The following PDGFB variants were observed in gnomAD, a reference collection of about 807,000 sequenced individuals.
The protein encoded by PDGFB is platelet-derived growth factor subunit B.
PDGFB carries 6 observed loss-of-function variants against 29.0 expected under a neutral mutation model. The ratio of observed to expected loss-of-function variants is 0.21; its 90% CI spans 0.11 to 0.41. The LOEUF (loss-of-function observed/expected upper bound fraction) is 0.41, where lower values mean the gene tolerates loss of function less well. PDGFB is among the 10% of genes least tolerant of loss of function. The probability of loss-of-function intolerance (pLI) is 1.00; values close to 1 mark genes in which losing one functional copy is unlikely to be tolerated. For missense variants in PDGFB, 299 were observed against 341.8 expected (o/e 0.87, Z 0.99); for synonymous variants, 144 against 140.8 (o/e 1.02, Z -0.16).
At position 39,243,017 on chromosome 22, in the gene PDGFB, A is replaced by G. The variant is rs930465681; in HGVS notation, c.63+884T>C. The G allele has an allele frequency of 8.6e-6, 2 of 232,768 alleles. No homozygotes were observed. Among genetic ancestry groups the G allele is most frequent in the Non-Finnish European group, 1.7e-5 (2 of 117,856 alleles). The allele number at this position is 232,768 out of a possible 1,614,324, so 14.4% of individuals were successfully genotyped here. A position where few individuals can be genotyped will look rare whatever the true frequency, so the allele number is the denominator to read the frequency against. On this transcript the variant is annotated intron_variant, in intron 1 of 6. Transcript: ENST00000331163. The surrounding 1 kb of genome is among the most constrained non-coding windows in gnomAD (Gnocchi z 6.4). Reference sequence around the variant, plus strand: ...CCCCAGCGCTCCCTCAGATGTTTTTATACCCCATCTCCCGTGCAGCTAGGC... The same window carrying G: ...CCCCAGCGCTCCCTCAGATGTTTTTGTACCCCATCTCCCGTGCAGCTAGGC...
intron 3 of PDGFB, 46 bp downstream of exon 3, chr22:39,233,388 GC>G (rs763942924): frequency 1.4e-6 from 2 of 1,422,646 alleles, no homozygotes; most frequent in Non-Finnish European, 1.9e-6. Flanking sequence ...TCTTTCCCTG[GC>G]CCCCATGCTA....
At position 39,240,404 on chromosome 22, in the gene PDGFB, T is replaced by G. The variant is rs145509574; in HGVS notation, c.63+3497A>C. Reference sequence around the variant, plus strand: ...CCCAGCTAAAGATACACAGAACCTTTGCAGTCTGATTTTCTTTCTGTTTCT... The same window carrying G: ...CCCAGCTAAAGATACACAGAACCTTGGCAGTCTGATTTTCTTTCTGTTTCT... On this transcript the variant is annotated intron_variant, in intron 1 of 6. Transcript: ENST00000331163. 3.3e-3 allele frequency among the ~76,000 whole-genome samples: 498 copies of G among 152,320 alleles called. 4 individuals are homozygous for G. Among genetic ancestry groups the G allele is most frequent in the African/African-American group, 0.011 (472 of 41,576 alleles).
rs58537895 is a variant in PDGFB at position 39,240,894 on chromosome 22, G to GTCTCTCTC, written c.63+2999_63+3006dup. ...ACATCTCACCATTCCTGCTCAGTCA[G>GTCTCTCTC]TCTCTCTCTCTCTCTCTCTCAGATG... On this transcript the variant is annotated intron_variant, in intron 1 of 6. Transcript: ENST00000331163. 54 of 1,481,884 alleles carry GTCTCTCTC rather than the reference G, an allele frequency of 3.6e-5. No homozygotes were observed. In the South Asian group the frequency reaches 4.1e-4, roughly 11 times the overall value. The allele number at this position is 1,481,884 out of a possible 1,614,324, so 91.8% of individuals were successfully genotyped here. A position where few individuals can be genotyped will look rare whatever the true frequency, so the allele number is the denominator to read the frequency against.
rs761160047 is a variant in PDGFB, at chr22:39,231,568, GT to G, written c.456+53del. 5,907 of 1,339,738 alleles carry G rather than the reference GT, an allele frequency of 4.4e-3. 17 individuals are homozygous for G. Among genetic ancestry groups the G allele is most frequent in the Non-Finnish European group, 5.3e-3 (5,262 of 983,710 alleles). The allele number at this position is 1,339,738 out of a possible 1,614,324, so 83.0% of individuals were successfully genotyped here. Reference sequence around the variant, plus strand: ...CTGGTCAGGTATGAGCCCCAGAAGGGTGGTCTCCACCCACCACCGGGACCAG... The same window carrying G: ...CTGGTCAGGTATGAGCCCCAGAAGGGGGTCTCCACCCACCACCGGGACCAG... On this transcript the variant is annotated intron_variant, in intron 4 of 6. Transcript: ENST00000331163. This position sits in a 1 kb window ranked among gnomAD's most constrained non-coding sequence, Gnocchi z 4.3.
At chr22:39,235,897 C>T (rs769841318) in intron 1 of PDGFB, 23 bp from the exon 2 acceptor site, 12 of 1,537,798 alleles carry the variant, frequency 7.8e-6, no homozygotes, top group Non-Finnish European at 8.1e-6. Flanking sequence ...CACCAAAAGG[C>T]TGAGTGAGCT....
In PDGFB at chr22:39,225,505, G is replaced by T. The variant is rs1048457267; in HGVS notation, c.*28+190C>A. Among the ~76,000 whole-genome samples the T allele has an allele frequency of 5.9e-5, 9 of 152,166 alleles. No individual in the cohort carries two copies. The South Asian group carries it at 1.9e-3, about 32-fold the overall frequency. The stretch of plus-strand genomic sequence containing the variant: ...TAGACCTCCCATCCTCTTAGGGCAT[G>T]CTGGGACACAGCTGGGCTGGGGTCT... On this transcript the variant is annotated intron_variant, in intron 6 of 6. Coordinates refer to ENST00000331163, the MANE Select transcript of PDGFB (RefSeq NM_002608.4).
chr22:39,231,677 C>G lies in PDGFB; in HGVS notation c.401G>C (p.Cys134Ser). 1 of 1,597,308 alleles carries G rather than the reference C, an allele frequency of 6.3e-7. No individual in the cohort carries two copies. Among genetic ancestry groups the G allele is most frequent in the Non-Finnish European group, 8.5e-7 (1 of 1,173,032 alleles). ...GCGGCACTGCACGTTGCGGTTGTTGCAGCAGCCGGAGCAGCGCTGCACCTC... is the reference window on the plus strand; with the variant it reads ...GCGGCACTGCACGTTGCGGTTGTTGGAGCAGCCGGAGCAGCGCTGCACCTC... ...CVEVQRCSGC[C>S]NNRNVQCRPT... The change falls in exon 4 of 7, where the codon TGC becomes TCC. Residue 134 changes from cysteine to serine, a missense_variant. Transcript: ENST00000331163. The surrounding 1 kb of genome is among the most constrained non-coding windows in gnomAD (Gnocchi z 4.3).
At chr22:39,225,965 G>C in intron 5 of PDGFB, 118 bp from the exon 6 acceptor site, 5 of 1,217,370 alleles carry the variant, frequency 4.1e-6, no homozygotes, top group Non-Finnish European at 5.6e-6. Context: ...GGGGAATCTG[G>C]ACCAGGGTCC....
At chr22:39,236,828 G>A (rs955439328) in intron 1 of PDGFB, among the ~76,000 whole-genome samples, 2 of 152,330 alleles carry the variant, frequency 1.3e-5, no homozygotes, top group Middle Eastern at 3.4e-3. Flanking sequence ...GTCGCTGCAC[G>A]TTCAAAGGCT....
At chr22:39,230,338 T>A in intron 4 of PDGFB, 110 bp from the exon 5 acceptor site, 1 of 1,122,108 alleles carries the variant, frequency 8.9e-7, no homozygotes, top group Non-Finnish European at 1.3e-6. Flanking sequence ...CAATCTTTCC[T>A]CGAAAGCCCG....
At chr22:39,229,390 C>T (rs1601596351) in intron 5 of PDGFB, among the ~76,000 whole-genome samples, 1 of 152,234 alleles carries the variant, frequency 6.6e-6, no homozygotes, top group Middle Eastern at 3.4e-3. Flanking sequence ...CACAATGCTG[C>T]CAATTCCACC....
chr22:39,231,651 G>A lies in PDGFB; in HGVS notation c.427C>T (p.Pro143Ser). The stretch of plus-strand genomic sequence containing the variant: ...ACAGGTCGCAGCTGCACCTGGGTGG[G>A]GCGGCACTGCACGTTGCGGTTGTTG... ...CCNNRNVQCR[P>S]TQVQLRPVQV... The change falls in exon 4 of 7, where the codon CCC becomes TCC. Residue 143 changes from proline (P) to serine (S), a missense_variant. Coordinates refer to ENST00000331163, the MANE Select transcript of PDGFB (RefSeq NM_002608.4). The surrounding 1 kb of genome is among the most constrained non-coding windows in gnomAD (Gnocchi z 4.3). The A allele has an allele frequency of 1.3e-6, 2 of 1,581,110 alleles. No homozygotes were observed. The highest frequency in any genetic ancestry group is 4.6e-5 in the East Asian group (2 of 43,226).
At position 39,243,291 on chromosome 22, in the gene PDGFB, TCTCTCC is replaced by T. The variant is rs1246969716; in HGVS notation, c.63+604_63+609del. ...CTCTCTCTTTCTCTCTCTCTCTCTC[TCTCTCC>T]CTGTTACTCCCACCCCAAACCCCGC... On this transcript the variant is annotated intron_variant, in intron 1 of 6. Coordinates refer to ENST00000331163, the MANE Select transcript of PDGFB (RefSeq NM_002608.4). This position sits in a 1 kb window ranked among gnomAD's most constrained non-coding sequence, Gnocchi z 6.4. 5.4e-5 allele frequency among the ~76,000 whole-genome samples: 8 copies of T among 147,576 alleles called. No homozygotes were observed. Among genetic ancestry groups the T allele is most frequent in the Admixed American group, 3.4e-4 (5 of 14,904 alleles).
intron 5 of PDGFB, among the ~76,000 whole-genome samples, chr22:39,228,314 G>A (rs1207623667): frequency 4.6e-5 from 7 of 152,364 alleles, no homozygotes; most frequent in Admixed American, 3.3e-4. Flanking sequence ...AAGGCCAGGC[G>A]TGGTGGCTCA....
chr22:39,238,778 A>G (rs1932503109), intron 1 of PDGFB, among the ~76,000 whole-genome samples: 1 of 152,208 alleles, frequency 6.6e-6, no homozygotes, highest in Non-Finnish European at 1.5e-5. Context: ...AGCATGTCCC[A>G]CGTCAGAGGC....
chr22:39,226,493 T>A (rs948980076), intron 5 of PDGFB, among the ~76,000 whole-genome samples: 1 of 151,516 alleles, frequency 6.6e-6, no homozygotes, highest in Non-Finnish European at 1.5e-5. Flanking sequence ...CCCCGTTGAG[T>A]CTCCAGATGA....
In PDGFB at chr22:39,230,183, C is replaced by T; in HGVS notation, c.502G>A (p.Ala168Thr). The change falls in exon 5 of 7, where the codon GCC becomes ACC. Residue 168 changes from alanine to threonine, a missense_variant. Ala to Thr is a moderately conservative substitution (Grantham distance 58). Transcript: ENST00000331163. ...AGGTGGTCTTCCAGCGTCACCGTGGCCTTCTTAAAGATTGGCTTCTTCCGC... is the reference window on the plus strand; with the variant it reads ...AGGTGGTCTTCCAGCGTCACCGTGGTCTTCTTAAAGATTGGCTTCTTCCGC... The part of the protein sequence containing the change: ...IVRKKPIFKK[A>T]TVTLEDHLAC... 1 of 1,614,074 alleles carries T rather than the reference C, an allele frequency of 6.2e-7. No individual in the cohort carries two copies. Among genetic ancestry groups the T allele is most frequent in the Non-Finnish European group, 8.5e-7 (1 of 1,180,028 alleles).
rs1932621101 is a variant in PDGFB, at chr22:39,243,519, TGGCGCCG to T, written c.63+375_63+381del. Among the ~76,000 whole-genome samples, 1 of 152,160 alleles carries T rather than the reference TGGCGCCG, an allele frequency of 6.6e-6. No homozygotes were observed. The highest frequency in any genetic ancestry group is 1.5e-5 in the Non-Finnish European group (1 of 68,018). On this transcript the variant is annotated intron_variant, in intron 1 of 6. Transcript: ENST00000331163. The surrounding 1 kb of genome is among the most constrained non-coding windows in gnomAD (Gnocchi z 6.4). ...GGCAGGACAGAGCCTAAGCCGAGGC[TGGCGCCG>T]AAGTGGGCTCGGGAGGACGCGCTGC...
intron 1 of PDGFB, among the ~76,000 whole-genome samples, chr22:39,236,619 G>T (rs1453162233): frequency 6.6e-6 from 1 of 152,168 alleles, no homozygotes; most frequent in Non-Finnish European, 1.5e-5. Flanking sequence ...TTCGGAGCTG[G>T]GCTTCCTCCA....
Sources: gnomAD v4.1 joint callset for allele counts (sites outside exome capture counted in the v4.1 genomes callset) on GRCh38, gnomAD v4.1.1 for gene constraint, Gnocchi (gnomAD v3.1) non-coding constraint, MANE v1.5 for transcripts, NCBI Gene and HGNC (gene_info 2026-07-23, HGNC 2026-07-21) for gene names.